Variants in NBDY observed in about 807,000 individuals in gnomAD.
NBDY encodes P-body dissociating protein.
chrX:56,783,563 C>T (rs1160018152), intron 2 of NBDY, among the ~76,000 whole-genome samples: 1 of 112,256 alleles, frequency 8.9e-6, no homozygotes, highest in East Asian at 2.8e-4. Context: ...AGCTGCTTCT[C>T]CAAGCGGTTC....
intron 1 of NBDY, 135 bp from the exon 2 acceptor site, chrX:56,731,928 T>C (rs1185527306): frequency 3.8e-6 from 1 of 264,138 alleles, no homozygotes. Flanking sequence ...TCTAATACTA[T>C]GTATACAACT....
intron 2 of NBDY, among the ~76,000 whole-genome samples, chrX:56,767,291 C>G (rs767875628): frequency 7.9e-5 from 9 of 113,570 alleles, no homozygotes; most frequent in Non-Finnish European, 1.1e-4. Context: ...CCTACTGATC[C>G]TTGATCCTAG....
chrX:56,733,263 C>A (rs1232900559), intron 2 of NBDY, among the ~76,000 whole-genome samples: 1 of 109,255 alleles, frequency 9.2e-6, no homozygotes, highest in Non-Finnish European at 1.9e-5. Flanking sequence ...ATTATGAAAT[C>A]ATTACATTAT....
At chrX:56,808,679 A>G (rs1315065964) in intron 2 of NBDY, among the ~76,000 whole-genome samples, 6 of 111,615 alleles carry the variant, frequency 5.4e-5, no homozygotes, top group Non-Finnish European at 1.1e-4. Context: ...CTAGAGGTCT[A>G]TCTATTTTGT....
At chrX:56,741,529 G>A (rs2069532199) in intron 2 of NBDY, among the ~76,000 whole-genome samples, 1 of 111,719 alleles carries the variant, frequency 9.0e-6, no homozygotes, top group Non-Finnish European at 1.9e-5. Context: ...TTGGATATAA[G>A]CCATTTTAAT....
chrX:56,791,764 T>G (rs1454954245), intron 2 of NBDY, among the ~76,000 whole-genome samples: 1 of 110,953 alleles, frequency 9.0e-6, no homozygotes, highest in Non-Finnish European at 1.9e-5. Context: ...TTTCTTCCTC[T>G]TCCTCCTCCT....
chrX:56,781,247 A>G (rs2069687264), intron 2 of NBDY, among the ~76,000 whole-genome samples: 2 of 111,745 alleles, frequency 1.8e-5, no homozygotes, highest in Non-Finnish European at 3.8e-5. Flanking sequence ...ACCTTCATTC[A>G]CAACTGTTTC....
At chrX:56,745,822 CTGAT>C (rs1403404066) in intron 2 of NBDY, among the ~76,000 whole-genome samples, 1 of 61,227 alleles carries the variant, frequency 1.6e-5, no homozygotes, top group East Asian at 4.8e-4. Flanking sequence ...TGAAATGTGT[CTGAT>C]TGTTTTCCCA....
chrX:56,730,088 G>C (rs1235180538), intron 1 of NBDY, among the ~76,000 whole-genome samples: 1 of 110,147 alleles, frequency 9.1e-6, no homozygotes, highest in Non-Finnish European at 1.9e-5. Flanking sequence ...AGGCAGGAGA[G>C]TTGAATTTTT....
chrX:56,764,468 A>G (rs916167641), intron 2 of NBDY, among the ~76,000 whole-genome samples: 4 of 110,582 alleles, frequency 3.6e-5, no homozygotes, highest in Non-Finnish European at 7.6e-5. Flanking sequence ...TGCCAGGTAC[A>G]CTTCCTTCAA....
chrX:56,788,549 G>C (rs2069743409), intron 2 of NBDY, among the ~76,000 whole-genome samples: 1 of 112,329 alleles, frequency 8.9e-6, no homozygotes, highest in African/African-American at 3.2e-5. Context: ...GCCCACCATG[G>C]CTTCCCCTGG....
At chrX:56,752,053 C>T (rs1402814452) in intron 2 of NBDY, among the ~76,000 whole-genome samples, 2 of 112,261 alleles carry the variant, frequency 1.8e-5, no homozygotes, top group Non-Finnish European at 3.8e-5. Context: ...TCTGTGGCTG[C>T]ATAGTATTCC....
At position 56,797,348 on chromosome X, in the gene NBDY, C is replaced by CT. The variant is rs200268050; in HGVS notation, c.*167-19963dup. ...TCTTCTACTTGTTCTTCTTTCTTTCCTTTTTTTTTCACTTTTGGATTTCTG... is the reference window on the plus strand; with the variant it reads ...TCTTCTACTTGTTCTTCTTTCTTTCCTTTTTTTTTTCACTTTTGGATTTCTG... On this transcript the variant is annotated intron_variant, in intron 2 of 2. Transcript: ENST00000374922. 3.8e-4 allele frequency among the ~76,000 whole-genome samples: 39 copies of CT among 103,269 alleles called. No individual in the cohort carries two copies. The East Asian group carries it at 4.5e-3, about 12-fold the overall frequency. The allele number at this position is 103,269 out of a possible 115,157, so 89.7% of individuals were successfully genotyped here.
chrX:56,755,068 G>GGGAAAACTGGCTAGCCATATGT (rs2069602744), intron 2 of NBDY, among the ~76,000 whole-genome samples: 1 of 111,566 alleles, frequency 9.0e-6, no homozygotes, highest in South Asian at 3.7e-4. Context: ...AAATGGTGCT[G>GGGAAAACTGGCTAGCCATATGT]GGAAAACTGG....
chrX:56,811,229 T>C (rs1329899622), intron 2 of NBDY: 10 of 111,484 alleles, frequency 9.0e-5, no homozygotes, highest in Non-Finnish European at 1.9e-4. Context: ...GATACATGAG[T>C]GTCAGGGATT....
chrX:56,805,333 C>T (rs1031722717), intron 2 of NBDY, among the ~76,000 whole-genome samples: 4 of 112,296 alleles, frequency 3.6e-5, no homozygotes, highest in Non-Finnish European at 7.5e-5. Context: ...TAACATTTAA[C>T]TCCCATCACA....
chrX:56,794,658 T>G, intron 2 of NBDY, among the ~76,000 whole-genome samples: 1 of 98,870 alleles, frequency 1.0e-5, no homozygotes. Flanking sequence ...TGTGAGGGGG[T>G]ACAGGGGGAG....
At chrX:56,760,105 G>A (rs1332906012) in intron 2 of NBDY, among the ~76,000 whole-genome samples, 1 of 112,808 alleles carries the variant, frequency 8.9e-6, no homozygotes, top group Non-Finnish European at 1.9e-5. Flanking sequence ...GGCCTCTAGA[G>A]TTGCTGCTTC....
In NBDY at chrX:56,763,287, G is replaced by GT. The variant is rs1345454232; in HGVS notation, c.*166+31089dup. On this transcript the variant is annotated intron_variant, in intron 2 of 2. Transcript: ENST00000374922. The stretch of plus-strand genomic sequence containing the variant: ...ATGCCATAAGAATCTGTGGTGTGTG[G>GT]TGGCATTCCCCAGCACCCCTGAGCC... 5.4e-5 allele frequency among the ~76,000 whole-genome samples: 6 copies of GT among 111,996 alleles called. No homozygotes were observed. In the East Asian group the frequency reaches 1.7e-3, roughly 32 times the overall value.
Sources: gnomAD v4.1 joint callset for allele counts (sites outside exome capture counted in the v4.1 genomes callset) on GRCh38, gnomAD v4.1.1 for gene constraint, MANE v1.5 for transcripts, NCBI Gene and HGNC (gene_info 2026-07-23, HGNC 2026-07-21) for gene names.